The following PPM1H variants were observed in gnomAD, a reference collection of about 807,000 sequenced individuals.
PPM1H encodes protein phosphatase 1H.
A neutral mutation model predicts 54.9 loss-of-function variants in PPM1H; 27 were observed. That is an observed-to-expected ratio of 0.49 (90% CI 0.36 to 0.68). The LOEUF is 0.68. Among genes scored for constraint, PPM1H ranks in the 30% least tolerant of loss-of-function variants. The probability of loss-of-function intolerance (pLI) is 0.00; values close to 1 mark genes in which losing one functional copy is unlikely to be tolerated. For missense variants in PPM1H, 596 were observed against 667.8 expected (o/e 0.89, Z 1.19); for synonymous variants, 305 against 270.8 (o/e 1.13, Z -1.24).
intron 4 of PPM1H, among the ~76,000 whole-genome samples, chr12:62,775,875 A>G (rs1381918986): frequency 2.0e-5 from 3 of 152,254 alleles, no homozygotes; most frequent in Non-Finnish European, 2.9e-5. Context: ...ATGCTGCTAA[A>G]AAGACATACC....
At position 62,832,133 on chromosome 12, in the gene PPM1H, A is replaced by T; in HGVS notation, c.392T>A (p.Leu131Gln). The change falls in exon 2 of 10, where the codon CTG becomes CAG. Residue 131 changes from leucine (L) to glutamine (Q), a missense_variant. Physicochemically the swap from Leu to Gln is moderately radical, Grantham distance 113. Coordinates refer to ENST00000228705, the MANE Select transcript of PPM1H (RefSeq NM_020700.2). ...RRSSLPNGEG[L>Q]QLKENSESEG... ...TCTTACCGAGTTCTCCTTCAGCTGC[A>T]GCCCTTCCCCATTGGGAAGGGAGGA... 1 of 1,613,768 alleles carries T rather than the reference A, an allele frequency of 6.2e-7. No individual in the cohort carries two copies. Among genetic ancestry groups the T allele is most frequent in the Non-Finnish European group, 8.5e-7 (1 of 1,179,774 alleles).
intron 1 of PPM1H, among the ~76,000 whole-genome samples, chr12:62,853,141 G>A (rs528330711): frequency 1.7e-4 from 26 of 152,062 alleles, no homozygotes; most frequent in African/African-American, 6.0e-4. Context: ...AGTTTCTCGG[G>A]GGCAATAATG....
chr12:62,694,808 A>C (rs1452924820), intron 6 of PPM1H, among the ~76,000 whole-genome samples: 3 of 152,224 alleles, frequency 2.0e-5, no homozygotes, highest in Non-Finnish European at 4.4e-5. Flanking sequence ...CACAGGATAC[A>C]AAGAGCTCAG....
chr12:62,840,811 A>C (rs1868717574), intron 1 of PPM1H, among the ~76,000 whole-genome samples: 1 of 152,200 alleles, frequency 6.6e-6, no homozygotes. Context: ...AGACTGTTTA[A>C]ACTAGGGACT....
intron 9 of PPM1H, among the ~76,000 whole-genome samples, chr12:62,662,269 A>G: frequency 6.6e-6 from 1 of 152,254 alleles, no homozygotes; most frequent in East Asian, 1.9e-4. Context: ...CTTTATAAAA[A>G]TAATCATAGT....
chr12:62,788,513 A>G (rs2076686355), intron 3 of PPM1H, 175 bp from the exon 4 acceptor site: 2 of 519,324 alleles, frequency 3.9e-6, no homozygotes, highest in South Asian at 6.3e-5. Flanking sequence ...GGACACTGGC[A>G]TAAAACTGCC....
At chr12:62,764,213 C>A (rs1166201275) in intron 4 of PPM1H, among the ~76,000 whole-genome samples, 1 of 152,066 alleles carries the variant, frequency 6.6e-6, no homozygotes, top group Admixed American at 6.5e-5. Flanking sequence ...CCCAGAGAGA[C>A]CACAGACTCT....
chr12:62,824,341 A>C (rs1040525299), intron 2 of PPM1H, among the ~76,000 whole-genome samples: 1 of 152,318 alleles, frequency 6.6e-6, no homozygotes, highest in African/African-American at 2.4e-5. Flanking sequence ...TAATTTATAG[A>C]TTCAATGCCA....
chr12:62,778,971 A>C (rs889754101), intron 4 of PPM1H, among the ~76,000 whole-genome samples: 1 of 151,812 alleles, frequency 6.6e-6, no homozygotes, highest in Non-Finnish European at 1.5e-5. Flanking sequence ...GAAAGGAAGA[A>C]AGGGAAGGAA....
At chr12:62,912,623 A>G (rs898963918) in intron 1 of PPM1H, among the ~76,000 whole-genome samples, 1 of 152,218 alleles carries the variant, frequency 6.6e-6, no homozygotes, top group African/African-American at 2.4e-5. Flanking sequence ...GTAAGTCTGA[A>G]TCAATATACA....
chr12:62,685,195 C>T (rs2076044767), intron 8 of PPM1H, among the ~76,000 whole-genome samples: 2 of 152,184 alleles, frequency 1.3e-5, no homozygotes, highest in Non-Finnish European at 2.9e-5. Context: ...GGTTTGCACA[C>T]ACAACAAAGG....
At chr12:62,811,617 G>A (rs1310050853) in intron 2 of PPM1H, among the ~76,000 whole-genome samples, 2 of 152,152 alleles carry the variant, frequency 1.3e-5, no homozygotes, top group African/African-American at 4.8e-5. Context: ...GGACCCTGTC[G>A]GAGGTCATTG....
At chr12:62,805,403 T>C (rs1376695730) in intron 2 of PPM1H, among the ~76,000 whole-genome samples, 3 of 152,214 alleles carry the variant, frequency 2.0e-5, no homozygotes, top group Non-Finnish European at 4.4e-5. Context: ...CCAACGTTCA[T>C]TGCAGCATTA....
chr12:62,657,204 G>A (rs1053564938), intron 9 of PPM1H, among the ~76,000 whole-genome samples: 3 of 152,280 alleles, frequency 2.0e-5, no homozygotes, highest in Admixed American at 6.5e-5. Flanking sequence ...AGGGTGAGAC[G>A]CCCTGCCAGG....
At chr12:62,870,845 T>C (rs1360230118) in intron 1 of PPM1H, among the ~76,000 whole-genome samples, 9 of 152,156 alleles carry the variant, frequency 5.9e-5, no homozygotes, top group Admixed American at 5.9e-4. Context: ...GGGAAATGCA[T>C]ATCAAAACCA....
chr12:62,922,419 G>A (rs1177945779), intron 1 of PPM1H, among the ~76,000 whole-genome samples: 1 of 151,516 alleles, frequency 6.6e-6, no homozygotes, highest in Admixed American at 6.6e-5. Context: ...GACAGCCTGC[G>A]ATTCTAAAGT....
At chr12:62,801,775 C>T in intron 3 of PPM1H, 41 bp downstream of exon 3, 1 of 1,604,222 alleles carries the variant, frequency 6.2e-7, no homozygotes, top group East Asian at 2.2e-5. Context: ...GGCGCAGGCG[C>T]CAGCCTGGCC....
intron 1 of PPM1H, among the ~76,000 whole-genome samples, chr12:62,894,668 C>T (rs1015961344): frequency 3.9e-5 from 6 of 152,196 alleles, no homozygotes; most frequent in African/African-American, 1.4e-4. Context: ...AAATGGTAGG[C>T]ATACCACCTT....
At chr12:62,676,851 G>A (rs2075989728) in intron 8 of PPM1H, among the ~76,000 whole-genome samples, 2 of 152,106 alleles carry the variant, frequency 1.3e-5, no homozygotes, top group East Asian at 1.9e-4. Flanking sequence ...TTCCTGGGGG[G>A]AAAGGGGCAG....
Sources: allele counts gnomAD v4.1 joint callset (sites outside exome capture counted in the v4.1 genomes callset), GRCh38; gene constraint gnomAD v4.1.1; transcripts MANE v1.5; gene names NCBI Gene and HGNC (gene_info 2026-07-23, HGNC 2026-07-21).